Variants in SUPT3H observed in about 807,000 individuals in gnomAD.
SUPT3H encodes the protein SPT3 homolog, SAGA and STAGA complex component.
A neutral mutation model predicts 44.3 loss-of-function variants in SUPT3H; 44 were observed. The ratio of observed to expected loss-of-function variants is 0.99; its 90% CI spans 0.78 to 1.28. The LOEUF (loss-of-function observed/expected upper bound fraction) is 1.28. Ranked by LOEUF, SUPT3H falls within the 50% of genes most tolerant of loss-of-function variation. The probability of loss-of-function intolerance (pLI) is 0.00; values close to 1 mark genes in which losing one functional copy is unlikely to be tolerated. For synonymous variants in SUPT3H, 124 were observed against 125.6 expected, an observed-to-expected ratio of 0.99 and a Z score of 0.09; for missense variants, 380 against 387.1, an observed-to-expected ratio of 0.98 and a Z score of 0.15.
intron 10 of SUPT3H, among the ~76,000 whole-genome samples, chr6:44,830,916 T>C (rs1402623301): frequency 6.6e-6 from 1 of 151,406 alleles, no homozygotes; most frequent in Non-Finnish European, 1.5e-5. Context: ...GAATAACCTT[T>C]TACGATCAAG....
At chr6:44,952,738 G>T (rs1774501107) in intron 9 of SUPT3H, among the ~76,000 whole-genome samples, 1 of 152,196 alleles carries the variant, frequency 6.6e-6, no homozygotes, top group African/African-American at 2.4e-5. Flanking sequence ...GTGGTGCACA[G>T]TTATTATACA....
rs75145014 is a variant in SUPT3H, at chr6:45,125,032, C to T, written c.102-19026G>A. On this transcript the variant is annotated intron_variant, in intron 2 of 10. Transcript: ENST00000371459. ...AAACACCAAGGATTGCTGGCAAACA[C>T]GTAAAGCTAGGAGAGACAAGGAAGG... Among the ~76,000 whole-genome samples the T allele has an allele frequency of 2.4e-4, 37 of 152,250 alleles. No individual in the cohort carries two copies. The East Asian group carries it at 6.6e-3, about 27-fold the overall frequency.
chr6:45,143,288 A>G (rs1458516061), intron 2 of SUPT3H, among the ~76,000 whole-genome samples: 1 of 152,144 alleles, frequency 6.6e-6, no homozygotes, highest in Admixed American at 6.6e-5. Context: ...TCTGCAAGAG[A>G]GACCATATGA....
At chr6:44,953,512 T>C (rs985915912) in intron 8 of SUPT3H, 95 bp from the exon 9 acceptor site, 2 of 928,830 alleles carry the variant, frequency 2.2e-6, no homozygotes, top group South Asian at 1.5e-5. Context: ...TGAATGTTAC[T>C]GATAATCCTG....
At chr6:45,083,701 TAA>T (rs528988074) in intron 3 of SUPT3H, among the ~76,000 whole-genome samples, 2 of 135,156 alleles carry the variant, frequency 1.5e-5, no homozygotes. Flanking sequence ...AAGGGTACAG[TAA>T]AAAAAAAAAA....
intron 2 of SUPT3H, among the ~76,000 whole-genome samples, chr6:45,145,746 A>G (rs572402706): frequency 2.0e-5 from 3 of 152,278 alleles, no homozygotes; most frequent in African/African-American, 7.2e-5. Flanking sequence ...AGTAGAAGAA[A>G]ATAGTCACAA....
intron 10 of SUPT3H, 95 bp from the exon 11 acceptor site, chr6:44,829,952 G>GCCAGCAGAGTCTACAAA: frequency 1.8e-6 from 2 of 1,104,252 alleles, no homozygotes; most frequent in Non-Finnish European, 1.4e-6. Flanking sequence ...CTGTTTTGTA[G>GCCAGCAGAGTCTACAAA]ACTCTGCTGG....
intron 2 of SUPT3H, among the ~76,000 whole-genome samples, chr6:45,216,624 T>C (rs1445751772): frequency 6.6e-6 from 1 of 152,028 alleles, no homozygotes; most frequent in East Asian, 1.9e-4. Flanking sequence ...GCCATGCAAA[T>C]GGAAATTCAA....
chr6:45,010,854 C>T (rs1241922224), intron 5 of SUPT3H, among the ~76,000 whole-genome samples: 1 of 152,098 alleles, frequency 6.6e-6, no homozygotes, highest in African/African-American at 2.4e-5. Flanking sequence ...AACATTCAGT[C>T]CATGCAATCA....
intron 10 of SUPT3H, among the ~76,000 whole-genome samples, chr6:44,906,351 T>C (rs7767343): frequency 1.3e-5 from 2 of 152,328 alleles, no homozygotes; most frequent in South Asian, 4.1e-4. Context: ...CAATGTTTAT[T>C]GTTTAAAGGT....
chr6:45,191,157 T>G (rs1184571809), intron 2 of SUPT3H, among the ~76,000 whole-genome samples: 1 of 152,068 alleles, frequency 6.6e-6, no homozygotes, highest in Admixed American at 6.6e-5. Flanking sequence ...CCAAAACTAG[T>G]AAGCAACCAA....
intron 3 of SUPT3H, among the ~76,000 whole-genome samples, chr6:45,052,016 T>C (rs959765324): frequency 6.6e-6 from 1 of 152,090 alleles, no homozygotes; most frequent in Non-Finnish European, 1.5e-5. Flanking sequence ...ACTGAAATGA[T>C]CAAGAATTGT....
intron 10 of SUPT3H, among the ~76,000 whole-genome samples, chr6:44,923,652 G>A (rs1248458268): frequency 6.6e-6 from 1 of 151,944 alleles, no homozygotes; most frequent in Admixed American, 6.6e-5. Context: ...AACAGTCACT[G>A]TATACCACAG....
chr6:45,367,477 T>A (rs1795339517), intron 1 of SUPT3H, among the ~76,000 whole-genome samples: 2 of 150,388 alleles, frequency 1.3e-5, no homozygotes, highest in Admixed American at 6.6e-5. Context: ...AAATCACAAG[T>A]CCAAGACTGG....
intron 2 of SUPT3H, among the ~76,000 whole-genome samples, chr6:45,303,026 C>T (rs1782401731): frequency 6.6e-6 from 1 of 151,998 alleles, no homozygotes; most frequent in Non-Finnish European, 1.5e-5. Flanking sequence ...GGAAAGGATA[C>T]CCTATTGAAC....
chr6:45,263,697 C>CT (rs892584472), intron 2 of SUPT3H, among the ~76,000 whole-genome samples: 1 of 152,064 alleles, frequency 6.6e-6, no homozygotes, highest in African/African-American at 2.4e-5. Flanking sequence ...AAAAAACGGA[C>CT]TTGCTGCATG....
intron 6 of SUPT3H, among the ~76,000 whole-genome samples, chr6:45,003,034 T>A (rs929834480): frequency 5.9e-5 from 9 of 152,178 alleles, no homozygotes; most frequent in African/African-American, 2.2e-4. Flanking sequence ...ATCATTTTAC[T>A]TTAAATTTTT....
At chr6:44,997,208 T>A (rs1348191692) in intron 6 of SUPT3H, among the ~76,000 whole-genome samples, 7 of 151,826 alleles carry the variant, frequency 4.6e-5, no homozygotes, top group Admixed American at 4.6e-4. Flanking sequence ...TTTTTTTAAA[T>A]CCTGCTGAGA....
At chr6:45,055,996 C>A (rs1791057915) in intron 3 of SUPT3H, among the ~76,000 whole-genome samples, 1 of 151,892 alleles carries the variant, frequency 6.6e-6, no homozygotes, top group Non-Finnish European at 1.5e-5. Context: ...CAAATAATCT[C>A]ATCAAAAAAT....
Sources: gnomAD v4.1 joint callset for allele counts (sites outside exome capture counted in the v4.1 genomes callset) on GRCh38, gnomAD v4.1.1 for gene constraint, MANE v1.5 for transcripts, NCBI Gene and HGNC (gene_info 2026-07-23, HGNC 2026-07-21) for gene names.